Variants in NXPH2 observed in about 807,000 individuals in gnomAD.
NXPH2 encodes the protein neurexophilin 2.
In NXPH2, 5 loss-of-function variants were observed where a neutral mutation model predicts 19.8. The observed-to-expected ratio is 0.25, with a 90% CI of 0.13 to 0.53. The LOEUF (loss-of-function observed/expected upper bound fraction) is 0.53. Among genes scored for constraint, NXPH2 ranks in the 20% least tolerant of loss-of-function variants. The pLI, the probability that NXPH2 is intolerant of heterozygous loss-of-function variation, is 0.96. For synonymous variants in NXPH2, 154 were observed against 127.4 expected (o/e 1.21, Z -1.41); for missense variants, 289 against 322.8 (o/e 0.90, Z 0.80).
intron 1 of NXPH2, among the ~76,000 whole-genome samples, chr2:138,679,436 G>T (rs1287793522): frequency 1.4e-5 from 2 of 147,324 alleles, no homozygotes; most frequent in Admixed American, 1.4e-4. Context: ...AGTCTCGCTC[G>T]GTTGCTCAGG....
chr2:138,739,772 T>C (rs1283960213), intron 1 of NXPH2, among the ~76,000 whole-genome samples: 1 of 152,134 alleles, frequency 6.6e-6, no homozygotes, highest in Non-Finnish European at 1.5e-5. Flanking sequence ...GTTCATTTTT[T>C]GGAATGAAGT....
chr2:138,673,703 G>A (rs1028491678), intron 1 of NXPH2, among the ~76,000 whole-genome samples: 1 of 149,692 alleles, frequency 6.7e-6, no homozygotes, highest in Non-Finnish European at 1.5e-5. Flanking sequence ...GTCTCAAGCT[G>A]CTGGCCTCAA....
At chr2:138,684,568 C>T (rs180812979) in intron 1 of NXPH2, among the ~76,000 whole-genome samples, 1 of 152,122 alleles carries the variant, frequency 6.6e-6, no homozygotes, top group East Asian at 1.9e-4. Context: ...AGGTCAAATG[C>T]TCTGGAAAAA....
At chr2:138,753,838 A>G (rs1260212103) in intron 1 of NXPH2, among the ~76,000 whole-genome samples, 1 of 152,174 alleles carries the variant, frequency 6.6e-6, no homozygotes, top group African/African-American at 2.4e-5. Flanking sequence ...TTGTTAACCT[A>G]CAACTCCATG....
intron 1 of NXPH2, among the ~76,000 whole-genome samples, chr2:138,713,843 C>T (rs1014646560): frequency 1.3e-5 from 2 of 152,000 alleles, no homozygotes; most frequent in South Asian, 2.1e-4. Flanking sequence ...CTATTTTCAG[C>T]GTAAATTACT....
intron 1 of NXPH2, among the ~76,000 whole-genome samples, chr2:138,777,230 A>G (rs1053471416): frequency 2.0e-5 from 3 of 152,156 alleles, no homozygotes; most frequent in African/African-American, 7.2e-5. Context: ...ATTTTGATAT[A>G]ATATTCATTT....
intron 1 of NXPH2, among the ~76,000 whole-genome samples, chr2:138,704,848 G>A (rs1680984379): frequency 6.7e-6 from 1 of 149,902 alleles, no homozygotes; most frequent in South Asian, 2.1e-4. Flanking sequence ...TTTTGAGATG[G>A]AGTTTCATTC....
intron 1 of NXPH2, among the ~76,000 whole-genome samples, chr2:138,765,260 T>A (rs78366678): frequency 0.054 from 8,224 of 152,296 alleles, 305 homozygotes; most frequent in South Asian, 0.086. Flanking sequence ...TATGTGCAGG[T>A]TCATTCTCCA....
At chr2:138,746,701 T>A (rs1263670840) in intron 1 of NXPH2, among the ~76,000 whole-genome samples, 1 of 152,202 alleles carries the variant, frequency 6.6e-6, no homozygotes, top group African/African-American at 2.4e-5. Flanking sequence ...CTACTCACCT[T>A]GGCCTCTCTT....
chr2:138,692,653 G>A (rs953062521), intron 1 of NXPH2, among the ~76,000 whole-genome samples: 2 of 152,166 alleles, frequency 1.3e-5, no homozygotes, highest in East Asian at 3.8e-4. Context: ...GTTCACAACA[G>A]GCCTCATTCT....
chr2:138,710,225 G>C (rs369263158), intron 1 of NXPH2, among the ~76,000 whole-genome samples: 1 of 152,190 alleles, frequency 6.6e-6, no homozygotes, highest in East Asian at 1.9e-4. Context: ...TGTCCATGCC[G>C]TAAATATATC....
At chr2:138,681,026 A>T (rs570938497) in intron 1 of NXPH2, among the ~76,000 whole-genome samples, 1 of 152,350 alleles carries the variant, frequency 6.6e-6, no homozygotes, top group African/African-American at 2.4e-5. Context: ...TGATGACCTC[A>T]GCAGGCCTGG....
At chr2:138,742,085 G>C (rs1250142879) in intron 1 of NXPH2, among the ~76,000 whole-genome samples, 1 of 152,168 alleles carries the variant, frequency 6.6e-6, no homozygotes, top group Non-Finnish European at 1.5e-5. Flanking sequence ...ATTTGGACCA[G>C]ATTGAATGAA....
intron 1 of NXPH2, among the ~76,000 whole-genome samples, chr2:138,775,410 T>C (rs1365519653): frequency 6.6e-6 from 1 of 152,108 alleles, no homozygotes; most frequent in African/African-American, 2.4e-5. Context: ...TGCTTTAGAT[T>C]CCTTTTTTAT....
Position 138,747,504 on chromosome 2 carries a change from C to G in NXPH2, c.51+32687G>C, listed in dbSNP as rs1171183427. Among the ~76,000 whole-genome samples, 3 of 152,160 alleles carry G rather than the reference C, an allele frequency of 2.0e-5. 1 individual carries two copies. In the South Asian group the frequency reaches 6.2e-4, roughly 32 times the overall value. On this transcript the variant is annotated intron_variant, in intron 1 of 1. Coordinates refer to ENST00000272641, the MANE Select transcript of NXPH2 (RefSeq NM_007226.3). ...CTTGGCCCCTGATTGTGACCTGTCC[C>G]CTCCCATGGCTGTCAGACCCTCATG...
chr2:138,765,762 G>T (rs1307587973), intron 1 of NXPH2, among the ~76,000 whole-genome samples: 1 of 152,024 alleles, frequency 6.6e-6, no homozygotes, highest in Admixed American at 6.6e-5. Context: ...ATATAACCTG[G>T]GTTTGTGATA....
At chr2:138,735,671 T>C (rs1316485448) in intron 1 of NXPH2, among the ~76,000 whole-genome samples, 1 of 152,182 alleles carries the variant, frequency 6.6e-6, no homozygotes, top group African/African-American at 2.4e-5. Flanking sequence ...AAACCAATCA[T>C]GTCTTCCCAA....
chr2:138,671,395 A>G lies in NXPH2; in HGVS notation c.322T>C (p.Phe108Leu). Residue 108 changes from phenylalanine to leucine, a missense_variant, in exon 2 of 2, where the codon TTT becomes CTT. Physicochemically the swap from Phe to Leu is conservative, Grantham distance 22 (BLOSUM62 0). Transcript: ENST00000272641. ...KRRPIVKTGK[F>L]KKMFGWGDFH... The stretch of plus-strand genomic sequence containing the variant: ...TCACCCCATCCAAACATTTTCTTAA[A>G]TTTTCCTGTTTTTACTATTGGCCTC... 1 of 1,613,920 alleles carries G rather than the reference A, an allele frequency of 6.2e-7. No homozygotes were observed. The highest frequency in any genetic ancestry group is 8.5e-7 in the Non-Finnish European group (1 of 1,179,868).
chr2:138,753,199 TG>T (rs1277550063), intron 1 of NXPH2, among the ~76,000 whole-genome samples: 3 of 152,214 alleles, frequency 2.0e-5, no homozygotes, highest in Non-Finnish European at 4.4e-5. Context: ...TAAGGATAAA[TG>T]GTTATTGATT....
Sources: gnomAD v4.1 joint callset for allele counts (sites outside exome capture counted in the v4.1 genomes callset) on GRCh38, gnomAD v4.1.1 for gene constraint, MANE v1.5 for transcripts, NCBI Gene and HGNC (gene_info 2026-07-23, HGNC 2026-07-21) for gene names.